Variants in DNAH14 observed in about 807,000 individuals in gnomAD.
DNAH14 encodes dynein axonemal heavy chain 14.
A neutral mutation model predicts 520.9 loss-of-function variants in DNAH14; 478 were observed. The observed-to-expected ratio is 0.92, with a 90% CI of 0.85 to 0.99. The LOEUF is 0.99. Ranked by LOEUF, DNAH14 falls within the 50% of genes least tolerant of loss-of-function variation. The probability of loss-of-function intolerance (pLI) is 0.00; values close to 1 mark genes in which losing one functional copy is unlikely to be tolerated. For synonymous variants in DNAH14, 1,581 were observed against 1,757.2 expected, an observed-to-expected ratio of 0.90 and a Z score of 2.51; for missense variants, 4,831 against 5,234.5, an observed-to-expected ratio of 0.92 and a Z score of 2.38.
intron 27 of DNAH14, among the ~76,000 whole-genome samples, chr1:225,125,683 G>GT (rs1362102799): frequency 6.6e-6 from 1 of 152,202 alleles, no homozygotes; most frequent in East Asian, 1.9e-4. Context: ...CAAAACAGCA[G>GT]TAAGGCTGTT....
rs202118490 is a variant in DNAH14, at chr1:225,140,736, G to T, written c.4255-32G>T. On this transcript the variant is annotated intron_variant, in intron 27 of 85. Transcript: ENST00000682510. ...CTTCAATTATATATATATAGAGAGAGATATATATATAACATTATCTTACTT... is the reference window on the plus strand; with the variant it reads ...CTTCAATTATATATATATAGAGAGATATATATATATAACATTATCTTACTT... The T allele has an allele frequency of 1.9e-4, 253 of 1,348,224 alleles. 1 individual carries two copies. Among genetic ancestry groups the T allele is most frequent in the South Asian group, 8.2e-4 (63 of 76,722 alleles). The allele number at this position is 1,348,224 out of a possible 1,614,324, so 83.5% of individuals were successfully genotyped here.
Position 225,343,263 on chromosome 1 carries a change from G to A in DNAH14, c.10678+2562G>A, listed in dbSNP as rs192927112. Among the ~76,000 whole-genome samples the A allele has an allele frequency of 3.4e-3, 523 of 152,304 alleles. 12 individuals carry two copies. Among genetic ancestry groups the A allele is most frequent in the Admixed American group, 0.03 (454 of 15,298 alleles). On this transcript the variant is annotated intron_variant, in intron 69 of 85. Coordinates refer to ENST00000682510, the MANE Select transcript of DNAH14 (RefSeq NM_001367479.1). ...TCTGCTAAGATGTGCAGAAAACACTGACTTGTTCAGCATGTTCTTAACCTT... is the reference window on the plus strand; with the variant it reads ...TCTGCTAAGATGTGCAGAAAACACTAACTTGTTCAGCATGTTCTTAACCTT...
intron 10 of DNAH14, among the ~76,000 whole-genome samples, chr1:225,015,119 C>T (rs1506072): frequency 0.79 from 120,348 of 152,024 alleles, 48,747 homozygotes; most frequent in Non-Finnish European, 0.89. Context: ...GACACTTCTG[C>T]TTGATTTCGG....
intron 23 of DNAH14, among the ~76,000 whole-genome samples, chr1:225,102,536 A>G (rs1372001606): frequency 2.6e-5 from 4 of 152,118 alleles, no homozygotes; most frequent in African/African-American, 7.2e-5. Context: ...ATTTCTCCAC[A>G]TCCTCTCCAG....
At chr1:225,200,915 G>A (rs1485609563) in intron 38 of DNAH14, among the ~76,000 whole-genome samples, 1 of 151,922 alleles carries the variant, frequency 6.6e-6, no homozygotes, top group Non-Finnish European at 1.5e-5. Flanking sequence ...TAGTAAGGCT[G>A]GTGAAGTTTT....
At chr1:225,242,324 C>A (rs1457477258) in intron 43 of DNAH14, among the ~76,000 whole-genome samples, 1 of 151,858 alleles carries the variant, frequency 6.6e-6, no homozygotes, top group African/African-American at 2.4e-5. Flanking sequence ...CTTTTGACTC[C>A]TTTGAAACAA....
At chr1:225,330,508 A>T (rs2094772895) in intron 64 of DNAH14, among the ~76,000 whole-genome samples, 1 of 152,156 alleles carries the variant, frequency 6.6e-6, no homozygotes, top group Admixed American at 6.5e-5. Flanking sequence ...TTGCAACAAC[A>T]CTGATGGAAG....
In DNAH14 at chr1:225,086,024, T is replaced by C. The variant is rs188787875; in HGVS notation, c.3573+235T>C. Among the ~76,000 whole-genome samples the C allele has an allele frequency of 3.7e-3, 556 of 152,032 alleles. 11 individuals carry two copies. The highest frequency in any genetic ancestry group is 0.033 in the Admixed American group (498 of 15,280). The stretch of plus-strand genomic sequence containing the variant: ...TGGCAGAAAAGATAAATTTAGATCA[T>C]AGAAAAATATGACCTTATAACCATG... On this transcript the variant is annotated intron_variant, in intron 21 of 85. Transcript: ENST00000682510.
chr1:225,060,994 C>G (rs1210120465), intron 17 of DNAH14, among the ~76,000 whole-genome samples: 1 of 149,252 alleles, frequency 6.7e-6, no homozygotes, highest in Non-Finnish European at 1.5e-5. Context: ...TGTCCCTTCT[C>G]AGATCTCCAG....
At chr1:225,033,036 A>G (rs1359597404) in intron 11 of DNAH14, among the ~76,000 whole-genome samples, 1 of 152,004 alleles carries the variant, frequency 6.6e-6, no homozygotes, top group African/African-American at 2.4e-5. Context: ...TTGTCTGTTT[A>G]CTCTGTTGAT....
At chr1:225,327,720 TTAGAG>T (rs897950546) in intron 64 of DNAH14, among the ~76,000 whole-genome samples, 7 of 149,560 alleles carry the variant, frequency 4.7e-5, no homozygotes, top group African/African-American at 1.2e-4. Flanking sequence ...ATAATAAAGA[TTAGAG>T]TAGAGATAAA....
intron 27 of DNAH14, among the ~76,000 whole-genome samples, chr1:225,127,013 C>T (rs371915804): frequency 0.11 from 16,525 of 145,612 alleles, 2,354 homozygotes; most frequent in African/African-American, 0.39. Context: ...TGTAGTTGAG[C>T]GGTTTTGAGT....
intron 41 of DNAH14, among the ~76,000 whole-genome samples, chr1:225,224,938 A>T (rs1224478627): frequency 1.3e-5 from 2 of 152,072 alleles, no homozygotes; most frequent in Admixed American, 1.3e-4. Flanking sequence ...TTTTTCTTTG[A>T]CTTCAGCAAT....
chr1:224,968,913 A>T, intron 7 of DNAH14, 39 bp downstream of exon 7: 2 of 1,406,766 alleles, frequency 1.4e-6, no homozygotes, highest in Non-Finnish European at 1.9e-6. Context: ...TTGTAGTTTG[A>T]TCCTATTGAA....
chr1:225,246,209 A>C (rs138698521), intron 43 of DNAH14, among the ~76,000 whole-genome samples: 184 of 152,142 alleles, frequency 1.2e-3, no homozygotes, highest in African/African-American at 4.1e-3. Flanking sequence ...CCTTCCTTAC[A>C]CCTTATACAA....
Position 225,351,672 on chromosome 1 carries a change from A to G in DNAH14, c.11322A>G (p.Gln3774=). The change falls in exon 72 of 86, where the codon CAA becomes CAG. Residue 3774 remains glutamine (Q), a synonymous_variant. Transcript: ENST00000682510. ...GCACATTTGAAATAGGTGAAAGTCAACATCTTCAGTGGCTGTCAGATTCCA... is the reference window on the plus strand; with the variant it reads ...GCACATTTGAAATAGGTGAAAGTCAGCATCTTCAGTGGCTGTCAGATTCCA... The part of the protein sequence containing the change: ...LTSTFEIGES[Q]HLQWLSDSRW... The G allele has an allele frequency of 2.6e-6, 4 of 1,548,630 alleles. No homozygotes were observed. The highest frequency in any genetic ancestry group is 3.5e-6 in the Non-Finnish European group (4 of 1,144,812).
At chr1:224,954,917 T>G (rs759076936) in intron 2 of DNAH14, 42 bp from the exon 3 acceptor site, 4 of 1,497,076 alleles carry the variant, frequency 2.7e-6, no homozygotes, top group Non-Finnish European at 2.7e-6. Flanking sequence ...ATTGGTGTGA[T>G]TTTCCATTTA....
intron 73 of DNAH14, among the ~76,000 whole-genome samples, chr1:225,355,850 T>G (rs2095423424): frequency 6.6e-6 from 1 of 152,166 alleles, no homozygotes; most frequent in African/African-American, 2.4e-5. Context: ...TTTCCAAAAC[T>G]TTGTCATCAT....
intron 68 of DNAH14, among the ~76,000 whole-genome samples, chr1:225,339,038 T>C (rs539558311): frequency 3.4e-4 from 52 of 152,010 alleles, no homozygotes; most frequent in Non-Finnish European, 5.9e-4. Flanking sequence ...GGCGCACGCC[T>C]GTAATCCCAG....
Sources: allele counts gnomAD v4.1 joint callset (sites outside exome capture counted in the v4.1 genomes callset), GRCh38; gene constraint gnomAD v4.1.1; transcripts MANE v1.5; gene names NCBI Gene and HGNC (gene_info 2026-07-23, HGNC 2026-07-21).